HLA-DOB: variants seen among roughly 807,000 people sequenced by gnomAD.
HLA-DOB encodes major histocompatibility complex, class II, DO beta.
In HLA-DOB, 25 loss-of-function variants were observed where a neutral mutation model predicts 27.7. The ratio of observed to expected loss-of-function variants is 0.90; its 90% CI spans 0.66 to 1.26. The LOEUF (loss-of-function observed/expected upper bound fraction) is 1.26, where lower values mean the gene tolerates loss of function less well. Ranked by LOEUF, HLA-DOB falls within the 50% of genes most tolerant of loss-of-function variation. The pLI, the probability that HLA-DOB is intolerant of heterozygous loss-of-function variation, is 0.00. For missense variants in HLA-DOB, 306 were observed against 324.9 expected, an observed-to-expected ratio of 0.94 and a Z score of 0.45; for synonymous variants, 137 against 125.6, an observed-to-expected ratio of 1.09 and a Z score of -0.61.
chr6:32,814,696 C>A, intron 2 of HLA-DOB, 95 bp from the exon 3 acceptor site: 1 of 1,168,290 alleles, frequency 8.6e-7, no homozygotes, highest in Non-Finnish European at 1.2e-6. Flanking sequence ...AATCTCTTTC[C>A]CAGATCACCC....
At chr6:32,813,892 G>A in intron 3 of HLA-DOB, 59 bp from the exon 4 acceptor site, 2 of 1,036,908 alleles carry the variant, frequency 1.9e-6, no homozygotes, top group Non-Finnish European at 2.9e-6. Context: ...GCACTTTCTT[G>A]GAATCCCAGA....
At chr6:32,814,224 G>T in intron 3 of HLA-DOB, 96 bp downstream of exon 3, 1 of 1,215,052 alleles carries the variant, frequency 8.2e-7, no homozygotes, top group Non-Finnish European at 1.2e-6. Context: ...AATAATTCAT[G>T]TTGTGACCAA....
At chr6:32,813,857 T>G in intron 3 of HLA-DOB, 24 bp from the exon 4 acceptor site, 3 of 1,354,178 alleles carry the variant, frequency 2.2e-6, no homozygotes, top group Non-Finnish European at 3.1e-6. Flanking sequence ...GTCTTTAAAT[T>G]AGTAAAAATA....
rs1768044939 is a variant in HLA-DOB, at chr6:32,816,942, CAGAACCCATTCTGG to C, written c.-5_9del. On this transcript the variant is annotated start_lost and 5_prime_UTR_variant, in exon 1 of 6. Coordinates refer to ENST00000438763, the MANE Select transcript of HLA-DOB (RefSeq NM_002120.4). Reference sequence around the variant, plus strand: ...AGAGCCACCACCCAGGGGACCCACCCAGAACCCATTCTGGAGAAAGGAAAAAAATGAGATAGTAA... The same window carrying C: ...AGAGCCACCACCCAGGGGACCCACCCAGAAAGGAAAAAAATGAGATAGTAA... 3 of 1,612,540 alleles carry C rather than the reference CAGAACCCATTCTGG, an allele frequency of 1.9e-6. No homozygotes were observed. Among genetic ancestry groups the C allele is most frequent in the Non-Finnish European group, 2.5e-6 (3 of 1,179,724 alleles).
chr6:32,815,861 G>A (rs1225872714), intron 1 of HLA-DOB, among the ~76,000 whole-genome samples: 1 of 152,168 alleles, frequency 6.6e-6, no homozygotes, highest in African/African-American at 2.4e-5. Context: ...TCTAAGTTCA[G>A]AAGCCTCCTC....
intron 1 of HLA-DOB, among the ~76,000 whole-genome samples, chr6:32,816,566 C>A (rs896274149): frequency 7.9e-5 from 12 of 152,180 alleles, no homozygotes; most frequent in African/African-American, 2.9e-4. Flanking sequence ...CAAGCCAAGG[C>A]CTTCAACACG....
intron 1 of HLA-DOB, among the ~76,000 whole-genome samples, chr6:32,816,620 AC>A (rs1420655103): frequency 6.6e-6 from 1 of 152,166 alleles, no homozygotes; most frequent in Non-Finnish European, 1.5e-5. Context: ...AGGATCCTAA[AC>A]AAGACACAAT....
At position 32,814,309 on chromosome 6, in the gene HLA-DOB, C is replaced by T. The variant is rs1408492791; in HGVS notation, c.643+11G>A. 1 of 1,612,316 alleles carries T rather than the reference C, an allele frequency of 6.2e-7. No homozygotes were observed. The highest frequency in any genetic ancestry group is 1.7e-5 in the Admixed American group (1 of 60,016). On this transcript the variant is annotated intron_variant, in intron 3 of 5. Coordinates refer to ENST00000438763, the MANE Select transcript of HLA-DOB (RefSeq NM_002120.4). ...AGTCAGGCCCAGAGAGTACTAGAAA[C>T]TAATTCTCACTCCACTCCACAGAAA...
intron 1 of HLA-DOB, among the ~76,000 whole-genome samples, chr6:32,815,757 A>G (rs976383858): frequency 1.3e-5 from 2 of 152,240 alleles, no homozygotes; most frequent in Admixed American, 1.3e-4. Context: ...TTAATAATGT[A>G]GGTAAGTCAG....
Position 32,813,817 on chromosome 6 carries a change from A to G in HLA-DOB, c.660T>C (p.Tyr220=). The stretch of plus-strand genomic sequence containing the variant: ...TGCCACTCAGCATCTTTCTCCAAGA[A>G]TATTCAGACTGAGCTCCTATGGGAA... The part of the protein sequence containing the change: ...VSVEWRAQSE[Y]SWRKMLSGIA... Residue 220 remains tyrosine, a synonymous_variant, in exon 4 of 6, where the codon TAT becomes TAC. Transcript: ENST00000438763. 6.4e-7 allele frequency: 1 copy of G among 1,556,312 alleles called. No homozygotes were observed. Among genetic ancestry groups the G allele is most frequent in the Non-Finnish European group, 8.7e-7 (1 of 1,147,222 alleles).
At chr6:32,813,506 A>G (rs1767886944) in intron 4 of HLA-DOB, 35 bp from the exon 5 acceptor site, 1 of 1,609,464 alleles carries the variant, frequency 6.2e-7, no homozygotes, top group African/African-American at 1.3e-5. Context: ...GGATTGCCCC[A>G]ATTAGGACCC....
At position 32,813,196 on chromosome 6, in the gene HLA-DOB, G is replaced by C. The variant is rs760875082; in HGVS notation, c.*20C>G. 21 of 1,611,668 alleles carry C rather than the reference G, an allele frequency of 1.3e-5. No homozygotes were observed. Among genetic ancestry groups the C allele is most frequent in the Non-Finnish European group, 1.7e-5 (20 of 1,178,838 alleles). On this transcript the variant is annotated 3_prime_UTR_variant, in exon 6 of 6. Coordinates refer to ENST00000438763, the MANE Select transcript of HLA-DOB (RefSeq NM_002120.4). ...TCATCACTACTTCAGGCTCCAGAGA[G>C]AGAAGCTTCAGTGAGGACCTTAGCA...
intron 1 of HLA-DOB, among the ~76,000 whole-genome samples, 195 bp from the exon 2 acceptor site, chr6:32,815,508 T>A (rs1297223974): frequency 6.6e-6 from 1 of 152,050 alleles, no homozygotes; most frequent in Non-Finnish European, 1.5e-5. Context: ...TAAAAACACA[T>A]AAAGAGCAAT....
In HLA-DOB at chr6:32,815,240, T is replaced by C. The variant is rs777119128; in HGVS notation, c.165A>G (p.Arg55=). Residue 55 remains arginine (R), a synonymous_variant, in exon 2 of 6, where the codon AGA becomes AGG. Transcript: ENST00000438763. ...NGTEKVQFVV[R]FIFNLEEYVR... ...CATACTCCTCCAAGTTAAAGATGAA[T>C]CTGACCACAAACTGCACCTTTTCTG... 6.2e-7 allele frequency: 1 copy of C among 1,614,202 alleles called. No homozygotes were observed. Among genetic ancestry groups the C allele is most frequent in the South Asian group, 1.1e-5 (1 of 91,080 alleles).
chr6:32,812,940 A>AT lies in HLA-DOB; in HGVS notation c.*275dup. 1.8e-6 allele frequency: 1 copy of AT among 541,674 alleles called. No homozygotes were observed. The highest frequency in any genetic ancestry group is 3.3e-6 in the Non-Finnish European group (1 of 303,654). 33.6% of individuals were successfully genotyped at this position (541,674 alleles called of 1,614,324 possible). A position where few individuals can be genotyped will look rare whatever the true frequency, so the allele number is the denominator to read the frequency against. On this transcript the variant is annotated 3_prime_UTR_variant, in exon 6 of 6. Transcript: ENST00000438763. Reference sequence around the variant, plus strand: ...GGGCTGGACCACAGAAAAGTAAATGATTTGGGGCTGGAAGGAGTAAGGTCT... The same window carrying AT: ...GGGCTGGACCACAGAAAAGTAAATGATTTTGGGGCTGGAAGGAGTAAGGTCT...
At position 32,815,105 on chromosome 6, in the gene HLA-DOB, G is replaced by A. The variant is rs778608492; in HGVS notation, c.300C>T (p.Ala100=). Residue 100 remains alanine (A), a synonymous_variant, in exon 2 of 6, where the codon GCC becomes GCT. Transcript: ENST00000438763. The part of the protein sequence containing the change: ...RLDLLERSRQ[A]VDGVCRHNYR... The stretch of plus-strand genomic sequence containing the variant: ...AGTTGTGTCTACAGACCCCATCCAC[G>A]GCCTGTCTGCTCCTCTCCAAGAGAT... 129 of 1,613,972 alleles carry A rather than the reference G, an allele frequency of 8.0e-5. No individual in the cohort carries two copies. The highest frequency in any genetic ancestry group is 1.6e-4 in the Middle Eastern group (1 of 6,084).
chr6:32,815,628 C>T (rs1383258), intron 1 of HLA-DOB, among the ~76,000 whole-genome samples: 12,461 of 152,214 alleles, frequency 0.082, 753 homozygotes, highest in African/African-American at 0.17. Context: ...AGAGAAGAGA[C>T]GAGAGAGTCT....
Position 32,815,192 on chromosome 6 carries a change from C to T in HLA-DOB, c.213G>A (p.Gly71=). Residue 71 remains glycine, a synonymous_variant, in exon 2 of 6, where the codon GGG becomes GGA. Transcript: ENST00000438763. ...EEYVRFDSDV[G]MFVALTKLGQ... The stretch of plus-strand genomic sequence containing the variant: ...CCAGCTTGGTCAATGCCACAAACAT[C>T]CCCACATCACTGTCGAAACGTACAT... 1 of 1,614,230 alleles carries T rather than the reference C, an allele frequency of 6.2e-7. No individual in the cohort carries two copies. Among genetic ancestry groups the T allele is most frequent in the Non-Finnish European group, 8.5e-7 (1 of 1,180,044 alleles).
At chr6:32,814,680 A>G (rs1377786306) in intron 2 of HLA-DOB, 79 bp from the exon 3 acceptor site, 2 of 1,278,772 alleles carry the variant, frequency 1.6e-6, no homozygotes, top group Middle Eastern at 2.6e-4. Context: ...GACTATCACT[A>G]TGTCTAATCT....
Sources: allele counts gnomAD v4.1 joint callset (sites outside exome capture counted in the v4.1 genomes callset), GRCh38; gene constraint gnomAD v4.1.1; transcripts MANE v1.5; gene names NCBI Gene and HGNC (gene_info 2026-07-23, HGNC 2026-07-21).